Variants in MMP26 observed in about 807,000 individuals in gnomAD.
MMP26 encodes the protein matrix metallopeptidase 26.
Under a neutral mutation model 31.0 loss-of-function variants are expected in MMP26, and 33 were observed. The observed-to-expected ratio is 1.06, with a 90% CI of 0.81 to 1.42. The LOEUF is 1.42. Ranked by LOEUF, MMP26 falls within the 40% of genes most tolerant of loss-of-function variation. The pLI, the probability that MMP26 is intolerant of heterozygous loss-of-function variation, is 0.00. For synonymous variants in MMP26, 122 were observed against 114.9 expected (o/e 1.06, Z -0.40); for missense variants, 347 against 316.1 (o/e 1.10, Z -0.74).
intron 2 of MMP26, among the ~76,000 whole-genome samples, chr11:4,917,151 G>T (rs552519257): frequency 1.1e-4 from 17 of 152,068 alleles, no homozygotes; most frequent in African/African-American, 1.2e-4. Context: ...TGCCAAGAAT[G>T]TTTTTTTGCA....
At chr11:4,869,338 C>A (rs1216789560) in intron 2 of MMP26, among the ~76,000 whole-genome samples, 1 of 152,078 alleles carries the variant, frequency 6.6e-6, no homozygotes, top group Non-Finnish European at 1.5e-5. Context: ...GGCTAATATC[C>A]AGAATCTACA....
chr11:4,942,212 A>G (rs1180677023), intron 2 of MMP26, among the ~76,000 whole-genome samples: 1 of 151,914 alleles, frequency 6.6e-6, no homozygotes, highest in African/African-American at 2.4e-5. Context: ...TTGTGTTAAA[A>G]TGACAAAGTA....
chr11:4,794,067 G>A (rs1471061312), intron 2 of MMP26: 14 of 152,094 alleles, frequency 9.2e-5, no homozygotes. Context: ...TGGTTCTAAT[G>A]ACAAATATAT....
At chr11:4,836,826 A>G (rs1057062048) in intron 2 of MMP26, among the ~76,000 whole-genome samples, 6 of 142,388 alleles carry the variant, frequency 4.2e-5, no homozygotes, top group South Asian at 2.3e-4. Flanking sequence ...TGCCCAGCTA[A>G]TTTTTTTTTT....
chr11:4,868,636 C>A (rs1564797245), intron 2 of MMP26, among the ~76,000 whole-genome samples: 1 of 152,102 alleles, frequency 6.6e-6, no homozygotes, highest in Non-Finnish European at 1.5e-5. Context: ...AAAATGGCCA[C>A]ACTGCCCAAC....
intron 2 of MMP26, among the ~76,000 whole-genome samples, chr11:4,901,061 C>T (rs774390939): frequency 6.6e-6 from 1 of 151,368 alleles, no homozygotes; most frequent in Non-Finnish European, 1.5e-5. Context: ...GGATCATCCA[C>T]GTAGCTACAA....
chr11:4,775,557 A>T (rs2196125), intron 2 of MMP26, among the ~76,000 whole-genome samples: 6,322 of 152,148 alleles, frequency 0.042, 430 homozygotes, highest in African/African-American at 0.14. Flanking sequence ...CCTGTAAAAG[A>T]ATACCTGAGG....
chr11:4,784,531 CAGAA>C (rs1474572641), intron 2 of MMP26, among the ~76,000 whole-genome samples: 1 of 152,088 alleles, frequency 6.6e-6, no homozygotes, highest in African/African-American at 2.4e-5. Context: ...TTTTAAGAGA[CAGAA>C]AAGGAGAAGG....
chr11:4,741,798 A>ACAG (rs1184666617), intron 1 of MMP26, among the ~76,000 whole-genome samples: 2 of 152,150 alleles, frequency 1.3e-5, no homozygotes, highest in Non-Finnish European at 2.9e-5. Flanking sequence ...AACAACAACA[A>ACAG]CAACAAACCA....
intron 2 of MMP26, chr11:4,847,914 A>G (rs1025151908): frequency 8.7e-6 from 2 of 230,848 alleles, no homozygotes; most frequent in African/African-American, 4.5e-5. Context: ...AGCTTTATCC[A>G]GTATTAAGGT....
Position 4,880,544 on chromosome 11 carries a change from A to G in MMP26, c.-144-107524A>G, listed in dbSNP as rs141116669. ...TCAAAACTCCCTTTCTGTGGCCATA[A>G]TTGTTTGGTAATCAATCAATGTTGC... is the stretch of plus-strand genomic sequence containing the variant. On this transcript the variant is annotated intron_variant, in intron 2 of 7. Coordinates refer to ENST00000380390, the MANE Select transcript of MMP26 (RefSeq NM_021801.5). Among the ~76,000 whole-genome samples the G allele has an allele frequency of 5.1e-3, 782 of 152,226 alleles. 7 individuals are homozygous for G. Among genetic ancestry groups the G allele is most frequent in the African/African-American group, 0.016 (673 of 41,536 alleles).
At chr11:4,841,507 T>G (rs1487705542) in intron 2 of MMP26, among the ~76,000 whole-genome samples, 1 of 152,182 alleles carries the variant, frequency 6.6e-6, no homozygotes, top group Non-Finnish European at 1.5e-5. Flanking sequence ...ATAATTAAAG[T>G]GCTCTCAAGG....
chr11:4,785,112 C>T (rs56295748), intron 2 of MMP26, among the ~76,000 whole-genome samples: 1,795 of 152,228 alleles, frequency 0.012, 32 homozygotes, highest in African/African-American at 0.041. Context: ...CTGCAAAATA[C>T]AGTCTGCTAC....
Position 4,849,347 on chromosome 11 carries a change from C to T in MMP26, c.-145+82006C>T, listed in dbSNP as rs893861447. ...TGACTCATGCACTCACATACACGTACACATATACACATTTCCTCCCTGTGC... is the reference window on the plus strand; with the variant it reads ...TGACTCATGCACTCACATACACGTATACATATACACATTTCCTCCCTGTGC... On this transcript the variant is annotated intron_variant, in intron 2 of 7. Coordinates refer to ENST00000380390, the MANE Select transcript of MMP26 (RefSeq NM_021801.5). The T allele has an allele frequency of 2.6e-5, 20 of 769,032 alleles. No individual in the cohort carries two copies. In the African/African-American group the frequency reaches 3.1e-4, roughly 12 times the overall value. 47.6% of individuals were successfully genotyped at this position (769,032 alleles called of 1,614,324 possible).
At chr11:4,924,483 G>A in intron 2 of MMP26, 1 of 806,672 alleles carries the variant, frequency 1.2e-6, no homozygotes, top group Non-Finnish European at 1.9e-6. Flanking sequence ...AACTGGGTGG[G>A]GGCTGATCTA....
At chr11:4,862,748 C>T (rs540107164) in intron 2 of MMP26, among the ~76,000 whole-genome samples, 109 of 152,202 alleles carry the variant, frequency 7.2e-4, no homozygotes, top group African/African-American at 2.5e-3. Flanking sequence ...AATATGACTG[C>T]TAATAAGTTA....
At chr11:4,753,268 T>A (rs1848468611) in intron 1 of MMP26, among the ~76,000 whole-genome samples, 1 of 152,172 alleles carries the variant, frequency 6.6e-6, no homozygotes, top group Non-Finnish European at 1.5e-5. Context: ...TTCCTATACT[T>A]GATTTTTATA....
At chr11:4,724,078 A>G (rs1481014212) in intron 1 of MMP26, 1 of 649,690 alleles carries the variant, frequency 1.5e-6, no homozygotes, top group Non-Finnish European at 2.8e-6. Context: ...GAGCTGATGC[A>G]GGCACCAGGT....
At chr11:4,786,419 A>G (rs1462278525) in intron 2 of MMP26, among the ~76,000 whole-genome samples, 4 of 149,232 alleles carry the variant, frequency 2.7e-5, no homozygotes, top group African/African-American at 9.9e-5. Context: ...GATGGGATCT[A>G]TCAGCAATGT....
Sources: gnomAD v4.1 joint callset for allele counts (sites outside exome capture counted in the v4.1 genomes callset) on GRCh38, gnomAD v4.1.1 for gene constraint, MANE v1.5 for transcripts, NCBI Gene and HGNC (gene_info 2026-07-23, HGNC 2026-07-21) for gene names.